The following HDHD5 variants were observed in gnomAD, a reference collection of about 807,000 sequenced individuals.
HDHD5 encodes haloacid dehalogenase-like hydrolase domain-containing 5.
Under a neutral mutation model 35.5 loss-of-function variants are expected in HDHD5, and 34 were observed. The observed-to-expected ratio is 0.96, with a 90% CI of 0.73 to 1.28. The LOEUF is 1.28. Among genes scored for constraint, HDHD5 ranks in the 50% most tolerant of loss-of-function variants. The pLI, the probability that HDHD5 is intolerant of heterozygous loss-of-function variation, is 0.00. For synonymous variants in HDHD5, 248 were observed against 240.6 expected, an observed-to-expected ratio of 1.03 and a Z score of -0.29; for missense variants, 589 against 560.2, an observed-to-expected ratio of 1.05 and a Z score of -0.52.
chr22:17,152,194 T>C (rs1222791913), intron 1 of HDHD5, among the ~76,000 whole-genome samples: 3 of 152,082 alleles, frequency 2.0e-5, no homozygotes, highest in African/African-American at 7.2e-5. Flanking sequence ...TTTAAGGAGT[T>C]TGAAAATGGA....
chr22:17,138,207 A>G lies in HDHD5; in HGVS notation c.1086T>C (p.Cys362=), dbSNP rs1305448086. The change falls in exon 8 of 8, where the codon TGT becomes TGC. Residue 362 remains cysteine, a synonymous_variant. Transcript: ENST00000336737. ...GGTTCCTGGGATTGTAGACGCCTGT[A>G]CACACCAGGATGGAGATGCAGCTCT... ...ASQSCISILV[C]TGVYNPRNPQ... The G allele has an allele frequency of 1.2e-6, 2 of 1,614,174 alleles. No individual in the cohort carries two copies. Among genetic ancestry groups the G allele is most frequent in the Non-Finnish European group, 1.7e-6 (2 of 1,180,032 alleles).
At chr22:17,150,112 G>A (rs1362026583) in intron 1 of HDHD5, among the ~76,000 whole-genome samples, 5 of 152,044 alleles carry the variant, frequency 3.3e-5, no homozygotes, top group Admixed American at 1.3e-4. Flanking sequence ...ACCGAGTCCA[G>A]CCTAATCCCA....
chr22:17,158,876 C>T, intron 1 of HDHD5: 1 of 289,988 alleles, frequency 3.4e-6, no homozygotes, highest in East Asian at 5.7e-5. Context: ...GGCTGACAAG[C>T]AGCCTGGCCC....
intron 5 of HDHD5, chr22:17,141,480 A>AG: frequency 7.5e-7 from 1 of 1,329,896 alleles, no homozygotes; most frequent in Non-Finnish European, 9.6e-7. Flanking sequence ...AGTGCTTCAC[A>AG]GAAGAGGTTA....
chr22:17,143,049 AGGAGAC>A, intron 5 of HDHD5, 43 bp downstream of exon 5: 1 of 1,599,094 alleles, frequency 6.3e-7, no homozygotes, highest in Non-Finnish European at 8.5e-7. Context: ...AGGGCCAGAG[AGGAGAC>A]GGAGAAAAGA....
Position 17,138,094 on chromosome 22 carries a change from GCCTCCATGAGC to G in HDHD5, c.1188_1198del (p.Met398ProfsTer5). 1 of 1,614,076 alleles carries G rather than the reference GCCTCCATGAGC, an allele frequency of 6.2e-7. No individual in the cohort carries two copies. The highest frequency in any genetic ancestry group is 8.5e-7 in the Non-Finnish European group (1 of 1,180,014). On this transcript the variant is annotated frameshift_variant, in exon 8 of 8. Transcript: ENST00000336737. LOFTEE classifies it high-confidence loss of function. ...ATTCACGTCATTCACCACGTGGGAGGCCTCCATGAGCCCTGGACTGAAGCATAAGTCTCGGT... is the reference window on the plus strand; with the variant it reads ...ATTCACGTCATTCACCACGTGGGAGGCCTGGACTGAAGCATAAGTCTCGGT...
chr22:17,154,616 CTTTTTTTT>C (rs56885882), intron 1 of HDHD5, among the ~76,000 whole-genome samples: 2 of 126,190 alleles, frequency 1.6e-5, no homozygotes, highest in Non-Finnish European at 3.4e-5. Context: ...TCCTTATTTT[CTTTTTTTT>C]TTTTTTTTGG....
chr22:17,149,286 TGC>T (rs1191232395), intron 2 of HDHD5, among the ~76,000 whole-genome samples: 1 of 152,330 alleles, frequency 6.6e-6, no homozygotes, highest in East Asian at 1.9e-4. Flanking sequence ...ATTCCTGCTA[TGC>T]AAGTTCTAGA....
intron 5 of HDHD5, chr22:17,141,641 C>G: frequency 7.7e-6 from 8 of 1,042,152 alleles, no homozygotes; most frequent in Non-Finnish European, 9.2e-6. Context: ...ACAGCCAGGA[C>G]AGGGGGTGTG....
At chr22:17,142,057 C>T (rs1212198273) in intron 5 of HDHD5, 1 of 152,170 alleles carries the variant, frequency 6.6e-6, no homozygotes, top group African/African-American at 2.4e-5. Context: ...CAAAAACTAT[C>T]CCACACTAAA....
upstream of HDHD5, among the ~76,000 whole-genome samples, chr22:17,164,136 G>T (rs569479631): frequency 6.6e-6 from 1 of 151,732 alleles, no homozygotes; most frequent in Non-Finnish European, 1.5e-5. Flanking sequence ...CTGGGGAATC[G>T]CTTGAATCCG....
chr22:17,145,153 T>G, intron 3 of HDHD5, 36 bp from the exon 4 acceptor site: 1 of 1,612,736 alleles, frequency 6.2e-7, no homozygotes, highest in South Asian at 1.1e-5. Flanking sequence ...TGGACAGTTC[T>G]TGGGGAAGAT....
At chr22:17,157,466 T>C (rs1235768957) in intron 1 of HDHD5, among the ~76,000 whole-genome samples, 3 of 152,100 alleles carry the variant, frequency 2.0e-5, no homozygotes, top group African/African-American at 2.4e-5. Flanking sequence ...GTAAATTGCC[T>C]TAAGTGAAGC....
At chr22:17,151,727 T>TAAAAAAAAAAAAAAAAAAAAAAAA (rs59104154) in intron 1 of HDHD5, among the ~76,000 whole-genome samples, 1 of 113,124 alleles carries the variant, frequency 8.8e-6, no homozygotes, top group Non-Finnish European at 1.7e-5. Flanking sequence ...TAGACTCTAC[T>TAAAAAAAAAAAAAAAAAAAAAAAA]AAAAAAAAAA....
intron 3 of HDHD5, 41 bp downstream of exon 3, chr22:17,148,407 C>T: frequency 6.6e-7 from 1 of 1,523,218 alleles, no homozygotes. Flanking sequence ...CACCTCAGCC[C>T]TGCCCCTTCC....
chr22:17,161,044 C>T (rs548299021), upstream of HDHD5, among the ~76,000 whole-genome samples: 31 of 152,092 alleles, frequency 2.0e-4, no homozygotes, highest in South Asian at 1.7e-3. Flanking sequence ...CATCTGAGAT[C>T]AGGAGTTCAA....
chr22:17,144,626 C>A (rs900626341), intron 4 of HDHD5, among the ~76,000 whole-genome samples: 2 of 152,122 alleles, frequency 1.3e-5, no homozygotes, highest in African/African-American at 2.4e-5. Context: ...GTTGGCCAGG[C>A]TGGTCTGGAA....
chr22:17,153,051 C>T (rs2061747160), intron 1 of HDHD5, among the ~76,000 whole-genome samples: 2 of 152,196 alleles, frequency 1.3e-5, no homozygotes, highest in African/African-American at 4.8e-5. Flanking sequence ...CCCCACACGC[C>T]ACACAGGAAA....
intron 7 of HDHD5, 69 bp from the exon 8 acceptor site, chr22:17,138,426 G>A (rs1235799666): frequency 1.9e-6 from 3 of 1,566,634 alleles, no homozygotes; most frequent in Admixed American, 1.8e-5. Context: ...GCAAAGCAAA[G>A]GGAGCAGAGA....
Sources: gnomAD v4.1 joint callset for allele counts (sites outside exome capture counted in the v4.1 genomes callset) on GRCh38, gnomAD v4.1.1 for gene constraint, MANE v1.5 for transcripts, NCBI Gene and HGNC (gene_info 2026-07-23, HGNC 2026-07-21) for gene names.